NPAS3: variants seen among roughly 807,000 people sequenced by gnomAD.
NPAS3 encodes the protein neuronal PAS domain protein 3.
In NPAS3, 14 loss-of-function variants were observed where a neutral mutation model predicts 73.1. That is an observed-to-expected ratio of 0.19 (90% CI 0.13 to 0.30). The LOEUF (loss-of-function observed/expected upper bound fraction) is 0.30, where lower values mean the gene tolerates loss of function less well. Ranked by LOEUF, NPAS3 falls within the 10% of genes least tolerant of loss-of-function variation. NPAS3 has a pLI of 1.00. For missense variants in NPAS3, 1,096 were observed against 1,250.0 expected (o/e 0.88, Z 1.86); for synonymous variants, 620 against 541.5 (o/e 1.14, Z -2.01).
Position 33,516,012 on chromosome 14 carries a change from G to T in NPAS3, c.469-44109G>T, listed in dbSNP as rs180881884. Among the ~76,000 whole-genome samples, 362 of 152,102 alleles carry T rather than the reference G, an allele frequency of 2.4e-3. 2 individuals are homozygous for T. The highest frequency in any genetic ancestry group is 7.4e-3 in the African/African-American group (309 of 41,530). ...TTAACACTTTCTATGAGGTAAGATA[G>T]AACACGTCCGCACACATGCACATAC... is the stretch of plus-strand genomic sequence containing the variant. On this transcript the variant is annotated intron_variant, in intron 4 of 11. Transcript: ENST00000356141.
At chr14:33,565,485 TTTC>T (rs750426749) in intron 5 of NPAS3, among the ~76,000 whole-genome samples, 29 of 152,242 alleles carry the variant, frequency 1.9e-4, no homozygotes, top group Admixed American at 3.9e-4. Context: ...CCGCCATGTC[TTTC>T]TTTTGCTTTT....
Position 33,571,633 on chromosome 14 carries a change from T to C in NPAS3, c.558+11423T>C, listed in dbSNP as rs2056219737. 2.6e-5 allele frequency among the ~76,000 whole-genome samples: 4 copies of C among 152,220 alleles called. No individual in the cohort carries two copies. In the South Asian group the frequency reaches 8.3e-4, roughly 32 times the overall value. On this transcript the variant is annotated intron_variant, in intron 5 of 11. Coordinates refer to ENST00000356141, the Ensembl canonical transcript of NPAS3. ...GTCTCCTACACTTTCAGTACATTTA[T>C]ATAAGTGCAAAAGGAGGCTGCTTAG...
chr14:33,371,883 A>G lies in NPAS3; in HGVS notation c.468+4615A>G, dbSNP rs184570866. ...AATATAGACCTATGAGATAGGTGCT[A>G]TGATTACGTGCATCTTAAAATTGAG... On this transcript the variant is annotated intron_variant, in intron 4 of 11. Transcript: ENST00000356141. Among the ~76,000 whole-genome samples, 252 of 152,312 alleles carry G rather than the reference A, an allele frequency of 1.7e-3. 1 individual carries two copies. The highest frequency in any genetic ancestry group is 5.7e-3 in the African/African-American group (238 of 41,574).
rs1414464579 is a variant in NPAS3 at position 32,977,259 on chromosome 14, GATCC to G, written c.50+37895_50+37898del. On this transcript the variant is annotated intron_variant, in intron 1 of 11. Transcript: ENST00000356141. ...TTTTATTATTTAAAATAGTCTATAG[GATCC>G]AAAGATGCCATGTCTTTTTATCTAG... is the stretch of plus-strand genomic sequence containing the variant. Among the ~76,000 whole-genome samples the G allele has an allele frequency of 2.7e-5, 4 of 150,288 alleles. No individual in the cohort carries two copies. The East Asian group carries it at 7.9e-4, about 30-fold the overall frequency.
chr14:33,444,481 C>A (rs1462669734), intron 4 of NPAS3, among the ~76,000 whole-genome samples: 1 of 152,184 alleles, frequency 6.6e-6, no homozygotes, highest in Non-Finnish European at 1.5e-5. Flanking sequence ...TCTGCAGATT[C>A]AGAGAAATTT....
chr14:33,451,322 A>C (rs1225543112), intron 4 of NPAS3, among the ~76,000 whole-genome samples: 2 of 152,190 alleles, frequency 1.3e-5, no homozygotes, highest in African/African-American at 2.4e-5. Context: ...GTCTCTAGGC[A>C]CTTTTAGTAA....
At chr14:33,152,907 C>T (rs914936451) in intron 2 of NPAS3, among the ~76,000 whole-genome samples, 3 of 150,566 alleles carry the variant, frequency 2.0e-5, no homozygotes, top group African/African-American at 4.9e-5. Flanking sequence ...TGTTGTGTGT[C>T]CCCATTTTGG....
At chr14:33,345,288 G>T (rs552294961) in intron 3 of NPAS3, among the ~76,000 whole-genome samples, 1 of 152,198 alleles carries the variant, frequency 6.6e-6, no homozygotes, top group Non-Finnish European at 1.5e-5. Flanking sequence ...TGAACCGAAT[G>T]TGAGAGGCAA....
At chr14:33,076,365 A>G (rs2041658416) in intron 2 of NPAS3, among the ~76,000 whole-genome samples, 1 of 152,238 alleles carries the variant, frequency 6.6e-6, no homozygotes, top group Non-Finnish European at 1.5e-5. Flanking sequence ...AAAGAAGAGT[A>G]TAGACTTCTT....
intron 6 of NPAS3, chr14:33,680,536 ATACTTCTGG>A (rs2059905170): frequency 4.3e-6 from 3 of 699,728 alleles, no homozygotes; most frequent in Non-Finnish European, 7.8e-6. Flanking sequence ...TGTAATGCAT[ATACTTCTGG>A]TAACTAGCTT....
At chr14:33,494,955 T>G (rs1289983865) in intron 4 of NPAS3, among the ~76,000 whole-genome samples, 1 of 152,120 alleles carries the variant, frequency 6.6e-6, no homozygotes, top group Non-Finnish European at 1.5e-5. Context: ...GGATTTTTCT[T>G]TAAGACATGC....
chr14:33,250,892 C>T (rs1275623725), intron 3 of NPAS3, among the ~76,000 whole-genome samples: 2 of 151,930 alleles, frequency 1.3e-5, no homozygotes, highest in Admixed American at 6.6e-5. Flanking sequence ...AATAACCTAC[C>T]CTTATTCAGA....
chr14:33,058,456 A>C (rs1416232886), intron 2 of NPAS3, among the ~76,000 whole-genome samples: 1 of 152,208 alleles, frequency 6.6e-6, no homozygotes, highest in Non-Finnish European at 1.5e-5. Flanking sequence ...CAAGTTACTT[A>C]ATCTCCTTGG....
At chr14:33,674,384 G>C (rs2059696869) in intron 5 of NPAS3, among the ~76,000 whole-genome samples, 2 of 152,304 alleles carry the variant, frequency 1.3e-5, no homozygotes, top group Middle Eastern at 3.4e-3. Context: ...TGCAAAACGA[G>C]AGTGACTTCC....
In NPAS3 at chr14:33,439,570, A is replaced by G. The variant is rs549832005; in HGVS notation, c.468+72302A>G. Among the ~76,000 whole-genome samples the G allele has an allele frequency of 2.6e-5, 4 of 152,390 alleles. No homozygotes were observed. In the East Asian group the frequency reaches 7.7e-4, roughly 29 times the overall value. ...TGAGGAAGAATCTGAGTACTGAAAA[A>G]TAAGAATTCCAATGCAAAACAATTT... On this transcript the variant is annotated intron_variant, in intron 4 of 11. Transcript: ENST00000356141.
At chr14:33,774,302 TTGAC>T in intron 7 of NPAS3, 31 bp from the exon 8 acceptor site, 1 of 1,554,502 alleles carries the variant, frequency 6.4e-7, no homozygotes, top group Non-Finnish European at 8.8e-7. Flanking sequence ...GGATGTAAAT[TTGAC>T]TGGTGTCCTG....
At chr14:33,716,821 C>T (rs1246196548) in intron 6 of NPAS3, among the ~76,000 whole-genome samples, 7 of 152,100 alleles carry the variant, frequency 4.6e-5, no homozygotes, top group African/African-American at 1.7e-4. Flanking sequence ...CCCCACCCGA[C>T]GATGGCTCAT....
At chr14:33,083,440 A>T (rs2041927474) in intron 2 of NPAS3, among the ~76,000 whole-genome samples, 1 of 152,016 alleles carries the variant, frequency 6.6e-6, no homozygotes, top group Non-Finnish European at 1.5e-5. Flanking sequence ...GGATAATGAG[A>T]GTCTCCAGTT....
At chr14:33,266,434 T>C (rs1229951169) in intron 3 of NPAS3, among the ~76,000 whole-genome samples, 1 of 152,156 alleles carries the variant, frequency 6.6e-6, no homozygotes, top group Non-Finnish European at 1.5e-5. Flanking sequence ...AACCCATCAA[T>C]GAGAATCCTT....
Sources: gnomAD v4.1 joint callset for allele counts (sites outside exome capture counted in the v4.1 genomes callset) on GRCh38, gnomAD v4.1.1 for gene constraint, MANE v1.5 for transcripts, NCBI Gene and HGNC (gene_info 2026-07-23, HGNC 2026-07-21) for gene names.